TBC1D1: variants seen among roughly 807,000 people sequenced by gnomAD.
TBC1D1 encodes TBC1 (tre-2/USP6, BUB2, cdc16) domain family, member 1.
TBC1D1 carries 89 observed loss-of-function variants against 125.6 expected under a neutral mutation model. That is an observed-to-expected ratio of 0.71 (90% CI 0.60 to 0.85). TBC1D1 has a LOEUF of 0.85. TBC1D1 is among the 40% of genes least tolerant of loss of function. The probability of loss-of-function intolerance (pLI) is 0.00; values close to 1 mark genes in which losing one functional copy is unlikely to be tolerated. For synonymous variants in TBC1D1, 565 were observed against 564.1 expected, an observed-to-expected ratio of 1.00 and a Z score of -0.02; for missense variants, 1,377 against 1,469.2, an observed-to-expected ratio of 0.94 and a Z score of 1.03.
At chr4:38,052,199 G>C in intron 11 of TBC1D1, 139 bp downstream of exon 12, 1 of 692,094 alleles carries the variant, frequency 1.4e-6, no homozygotes, top group Non-Finnish European at 2.3e-6. Context: ...GTGTGTGCGC[G>C]CGCGTGTGTG....
At chr4:38,135,473 A>T (rs1022683433) in intron 19 of TBC1D1, among the ~76,000 whole-genome samples, 1 of 152,260 alleles carries the variant, frequency 6.6e-6, no homozygotes, top group Non-Finnish European at 1.5e-5. Context: ...GCTTGCTTCT[A>T]TAAAAGCATC....
chr4:37,928,027 C>A (rs1439922538), intron 2 of TBC1D1, among the ~76,000 whole-genome samples: 1 of 152,166 alleles, frequency 6.6e-6, no homozygotes, highest in Admixed American at 6.5e-5. Context: ...TCTAGAGTTA[C>A]CTACTAGCTT....
intron 2 of TBC1D1, among the ~76,000 whole-genome samples, chr4:37,978,899 AGAGT>A (rs1733797562): frequency 6.6e-6 from 1 of 152,196 alleles, no homozygotes; most frequent in Non-Finnish European, 1.5e-5. Flanking sequence ...TTTTTGAGAC[AGAGT>A]CTTACTCTTG....
intron 2 of TBC1D1, among the ~76,000 whole-genome samples, chr4:37,926,984 G>C (rs1464776758): frequency 6.6e-6 from 1 of 152,146 alleles, no homozygotes; most frequent in Non-Finnish European, 1.5e-5. Flanking sequence ...GGGCATGGTG[G>C]CGCATGCCTG....
At chr4:38,081,713 A>G (rs574338529) in intron 12 of TBC1D1, among the ~76,000 whole-genome samples, 4 of 152,260 alleles carry the variant, frequency 2.6e-5, no homozygotes, top group African/African-American at 9.6e-5. Flanking sequence ...TTTTCATTTA[A>G]TCCCCACAAC....
At position 37,936,370 on chromosome 4, in the gene TBC1D1, C is replaced by T. The variant is rs558245738; in HGVS notation, c.417+33858C>T. The stretch of plus-strand genomic sequence containing the variant: ...TACAGTACTGCAGGTCACTAAAACA[C>T]AAAAAGTGAAACCATGGATAAGGGG... On this transcript the variant is annotated intron_variant, in intron 2 of 19. Transcript: ENST00000261439. Among the ~76,000 whole-genome samples, 3 of 152,262 alleles carry T rather than the reference C, an allele frequency of 2.0e-5. No individual in the cohort carries two copies. The East Asian group carries it at 5.8e-4, about 29-fold the overall frequency.
chr4:38,063,820 G>A lies in TBC1D1; in HGVS notation c.2050+9482G>A, dbSNP rs144603440. ...ATTTTTATATGTTTACTAGAGACGG[G>A]GTTTCACCATGTTGGCCAGACTGGT... is the stretch of plus-strand genomic sequence containing the variant. On this transcript the variant is annotated intron_variant, in intron 12 of 19. Transcript: ENST00000261439. Among the ~76,000 whole-genome samples, 85 of 152,144 alleles carry A rather than the reference G, an allele frequency of 5.6e-4. 2 individuals carry two copies. In the East Asian group the frequency reaches 0.014, roughly 26 times the overall value.
chr4:37,942,765 C>T (rs951270216), intron 2 of TBC1D1, among the ~76,000 whole-genome samples: 2 of 152,182 alleles, frequency 1.3e-5, no homozygotes, highest in Non-Finnish European at 2.9e-5. Flanking sequence ...TGGTCTCGAT[C>T]TGCTGACCTT....
chr4:38,023,858 G>C (rs1249054014), intron 6 of TBC1D1, among the ~76,000 whole-genome samples: 1 of 152,188 alleles, frequency 6.6e-6, no homozygotes, highest in East Asian at 1.9e-4. Flanking sequence ...AGGGTATGTG[G>C]TAATTTTATG....
chr4:37,983,304 G>A (rs547563229), intron 2 of TBC1D1, among the ~76,000 whole-genome samples: 110 of 151,814 alleles, frequency 7.2e-4, no homozygotes, highest in African/African-American at 2.7e-3. Flanking sequence ...TAGTAGAGAC[G>A]GGGTTTCACC....
chr4:38,003,428 G>A (rs967455354), intron 2 of TBC1D1, among the ~76,000 whole-genome samples: 3 of 152,160 alleles, frequency 2.0e-5, no homozygotes, highest in African/African-American at 7.2e-5. Context: ...GTTGCCTACA[G>A]GGTGTTTGGA....
At position 38,094,883 on chromosome 4, in the gene TBC1D1, CAAAAAAA is replaced by C. The variant is rs528226098; in HGVS notation, c.2237-1033_2237-1027del. 1.8e-4 allele frequency among the ~76,000 whole-genome samples: 11 copies of C among 61,018 alleles called. No individual in the cohort carries two copies. In the South Asian group the frequency reaches 3.0e-3, roughly 16 times the overall value. 40.0% of individuals were successfully genotyped at this position (61,018 alleles called of 152,430 possible). ...GTTTTCTCATAGCCCAAATCACAGC[CAAAAAAA>C]AAAAAAAAAAAATCTAGGGTTGACA... On this transcript the variant is annotated intron_variant, in intron 13 of 19. Coordinates refer to ENST00000261439, the MANE Select transcript of TBC1D1 (RefSeq NM_015173.4).
At chr4:38,092,414 A>T (rs114521050) in intron 13 of TBC1D1, among the ~76,000 whole-genome samples, 1,873 of 152,284 alleles carry the variant, frequency 0.012, 19 homozygotes, top group South Asian at 0.049. Context: ...ATATGCAAAC[A>T]TTTAAGCAAG....
rs1157579291 is a variant in TBC1D1 at position 38,096,130 on chromosome 4, CATTGGTG to C, written c.2398+46_2398+52del. ...GAAGCATCTAGTCAACCTCACCCCT[CATTGGTG>C]ATTGGGGAGAAGTGTGGAATTAAAA... On this transcript the variant is annotated intron_variant, in intron 14 of 19. Transcript: ENST00000261439. 1.6e-5 allele frequency: 24 copies of C among 1,545,008 alleles called. 1 individual carries two copies. Among genetic ancestry groups the C allele is most frequent in the Admixed American group, 1.1e-4 (6 of 52,358 alleles).
chr4:38,025,575 T>C (rs1158250542), intron 6 of TBC1D1, among the ~76,000 whole-genome samples: 2 of 152,256 alleles, frequency 1.3e-5, no homozygotes, highest in Non-Finnish European at 2.9e-5. Flanking sequence ...TCACCTGAGA[T>C]TGGCAGAGTG....
At chr4:38,135,413 A>G (rs1229180229) in intron 19 of TBC1D1, among the ~76,000 whole-genome samples, 2 of 152,224 alleles carry the variant, frequency 1.3e-5, no homozygotes, top group Non-Finnish European at 2.9e-5. Flanking sequence ...TGACGCCCAC[A>G]CTGAGCCAGG....
rs186493417 is a variant in TBC1D1, at chr4:38,040,745, G to C, written c.1414-3617G>C. On this transcript the variant is annotated intron_variant, in intron 8 of 19. Transcript: ENST00000261439. ...CTTTGTGGGCAATTCCCTTCACTCT[G>C]GAGGCTGCCTCGAGCCTGGACAGGC... is the stretch of plus-strand genomic sequence containing the variant. 5.3e-4 allele frequency among the ~76,000 whole-genome samples: 80 copies of C among 152,284 alleles called. 1 individual carries two copies. Among genetic ancestry groups the C allele is most frequent in the African/African-American group, 1.8e-3 (76 of 41,562 alleles).
At chr4:37,899,487 A>C (rs1359335691) in intron 1 of TBC1D1, among the ~76,000 whole-genome samples, 1 of 152,162 alleles carries the variant, frequency 6.6e-6, no homozygotes, top group Admixed American at 6.5e-5. Flanking sequence ...GATGGGATTT[A>C]GACTCAAGTG....
intron 9 of TBC1D1, 63 bp from the exon 10 acceptor site, chr4:38,045,754 T>C: frequency 8.0e-7 from 1 of 1,246,542 alleles, no homozygotes; most frequent in Non-Finnish European, 1.2e-6. Context: ...ACCAATCTGC[T>C]TCTAGCTGAT....
Sources: allele counts gnomAD v4.1 joint callset (sites outside exome capture counted in the v4.1 genomes callset), GRCh38; gene constraint gnomAD v4.1.1; transcripts MANE v1.5; gene names NCBI Gene and HGNC (gene_info 2026-07-23, HGNC 2026-07-21).